The following NUP210 variants were observed in gnomAD, a reference collection of about 807,000 sequenced individuals.
NUP210 encodes nuclear pore membrane glycoprotein 210.
In NUP210, 151 loss-of-function variants were observed where a neutral mutation model predicts 196.0. That is an observed-to-expected ratio of 0.77 (90% CI 0.67 to 0.88). NUP210 has a LOEUF of 0.88. Among genes scored for constraint, NUP210 ranks in the 40% least tolerant of loss-of-function variants. NUP210 has a pLI of 0.00. For missense variants in NUP210, 2,314 were observed against 2,493.7 expected, an observed-to-expected ratio of 0.93 and a Z score of 1.53; for synonymous variants, 1,070 against 1,052.7, an observed-to-expected ratio of 1.02 and a Z score of -0.32.
chr3:13,403,684 G>C (rs908120293), intron 1 of NUP210, among the ~76,000 whole-genome samples: 1 of 152,218 alleles, frequency 6.6e-6, no homozygotes, highest in South Asian at 2.1e-4. Context: ...CTCTACTTGG[G>C]AGGCAGCGGG....
rs1697289028 is a variant in NUP210 at position 13,337,924 on chromosome 3, A to C, written c.3472-7T>G. The C allele has an allele frequency of 6.2e-7, 1 of 1,611,854 alleles. No individual in the cohort carries two copies. The highest frequency in any genetic ancestry group is 1.3e-5 in the African/African-American group (1 of 74,910). ...CCTCCACCTGCACGAGGTCCTGGGG[A>C]AACAGGGTGGCACTTAGGTGTGGGG... On this transcript the variant is annotated splice_region_variant and splice_polypyrimidine_tract_variant and intron_variant, in intron 25 of 39. Coordinates refer to ENST00000254508, the MANE Select transcript of NUP210 (RefSeq NM_024923.4).
At chr3:13,367,882 T>G (rs1055998956) in intron 13 of NUP210, among the ~76,000 whole-genome samples, 1 of 152,152 alleles carries the variant, frequency 6.6e-6, no homozygotes, top group Admixed American at 6.5e-5. Flanking sequence ...TCTGGGTGCC[T>G]TCCTCTTGGG....
In NUP210 at chr3:13,335,408, G is replaced by A. The variant is rs779456652; in HGVS notation, c.3843+46C>T. On this transcript the variant is annotated intron_variant, in intron 28 of 39. Coordinates refer to ENST00000254508, the MANE Select transcript of NUP210 (RefSeq NM_024923.4). ...GCCCCGAAGGAAGATTGGGCAGCTG[G>A]CACTTCCTCTCCCCCTTCCCTGTGG... The A allele has an allele frequency of 3.2e-6, 5 of 1,584,372 alleles. No homozygotes were observed. The Admixed American group carries it at 8.5e-5, about 27-fold the overall frequency.
intron 5 of NUP210, among the ~76,000 whole-genome samples, chr3:13,387,012 G>A (rs1699300665): frequency 2.0e-5 from 3 of 152,188 alleles, no homozygotes. Context: ...CATTGTCTTT[G>A]GCCTGTTTGA....
chr3:13,370,020 A>G (rs761025771), intron 13 of NUP210, among the ~76,000 whole-genome samples: 8 of 152,152 alleles, frequency 5.3e-5, no homozygotes, highest in Non-Finnish European at 1.0e-4. Flanking sequence ...CTAACATGGG[A>G]CCAAATTTGT....
Position 13,351,774 on chromosome 3 carries a change from G to A in NUP210, c.2835+105C>T, listed in dbSNP as rs769738074. 2.1e-5 allele frequency: 16 copies of A among 768,308 alleles called. No homozygotes were observed. The East Asian group carries it at 2.1e-4, about 10-fold the overall frequency. 47.6% of individuals were successfully genotyped at this position (768,308 alleles called of 1,614,324 possible). A position where few individuals can be genotyped will look rare whatever the true frequency, so the allele number is the denominator to read the frequency against. On this transcript the variant is annotated intron_variant, in intron 20 of 39. Coordinates refer to ENST00000254508, the MANE Select transcript of NUP210 (RefSeq NM_024923.4). The stretch of plus-strand genomic sequence containing the variant: ...TGACCTCCCAAAGTTCTGGGATTCC[G>A]AGTGTGAGTCAAGTGCTAGCTTTCA...
intron 14 of NUP210, among the ~76,000 whole-genome samples, chr3:13,361,568 C>T (rs953318740): frequency 6.6e-6 from 1 of 152,108 alleles, no homozygotes; most frequent in Non-Finnish European, 1.5e-5. Context: ...TGAGGGGTCC[C>T]GCAGTCCTGC....
rs762978343 is a variant in NUP210 at position 13,360,400 on chromosome 3, G to T, written c.2024C>A (p.Pro675Gln). 5 of 1,614,020 alleles carry T rather than the reference G, an allele frequency of 3.1e-6. No homozygotes were observed. In the South Asian group the frequency reaches 4.4e-5, roughly 14 times the overall value. The change falls in exon 15 of 40, where the codon CCG becomes CAG. Residue 675 changes from proline (P) to glutamine (Q), a missense_variant. Coordinates refer to ENST00000254508, the MANE Select transcript of NUP210 (RefSeq NM_024923.4). ...GGTGACGTTCTGGAAGAATTTGGAC[G>T]GCTCGAGGATCCAAGGTCTGGGACC... ...EGGPRPWILEPSKFFQNVTAE... is the reference protein window; with the variant it reads ...EGGPRPWILEQSKFFQNVTAE...
intron 18 of NUP210, among the ~76,000 whole-genome samples, chr3:13,352,527 G>A (rs1336633822): frequency 1.3e-5 from 2 of 152,236 alleles, no homozygotes; most frequent in African/African-American, 4.8e-5. Flanking sequence ...GCATGTGGCC[G>A]CTGGCCAGGC....
intron 14 of NUP210, among the ~76,000 whole-genome samples, chr3:13,364,635 C>A (rs545773550): frequency 3.4e-4 from 51 of 152,218 alleles, no homozygotes; most frequent in African/African-American, 1.2e-3. Flanking sequence ...TCGGGACCAG[C>A]CTCACTAACA....
At chr3:13,408,168 T>C (rs973872845) in intron 1 of NUP210, among the ~76,000 whole-genome samples, 1 of 152,214 alleles carries the variant, frequency 6.6e-6, no homozygotes, top group African/African-American at 2.4e-5. Flanking sequence ...AATATGGTCA[T>C]TACACTGATT....
intron 1 of NUP210, among the ~76,000 whole-genome samples, chr3:13,415,261 CT>C (rs1700308194): frequency 1.3e-5 from 2 of 152,210 alleles, no homozygotes; most frequent in Admixed American, 1.3e-4. Flanking sequence ...TTTGTCACCT[CT>C]TATTCAGTGA....
intron 1 of NUP210, among the ~76,000 whole-genome samples, chr3:13,409,846 T>C (rs532176557): frequency 3.3e-5 from 5 of 151,484 alleles, no homozygotes; most frequent in Admixed American, 1.3e-4. Context: ...ACTAATTTTT[T>C]TTTTTTTGGA....
At chr3:13,378,795 G>T in intron 8 of NUP210, 117 bp downstream of exon 8, 1 of 769,996 alleles carries the variant, frequency 1.3e-6, no homozygotes, top group Non-Finnish European at 2.3e-6. Flanking sequence ...CATAGCAAGT[G>T]GCAGAGCTGG....
chr3:13,382,092 T>C (rs1366363829), intron 6 of NUP210, among the ~76,000 whole-genome samples: 3 of 152,268 alleles, frequency 2.0e-5, no homozygotes, highest in African/African-American at 7.2e-5. Context: ...GTGCATGCTA[T>C]TGGTTTTGCA....
chr3:13,333,165 C>T (rs997857649), intron 28 of NUP210, among the ~76,000 whole-genome samples: 7 of 152,344 alleles, frequency 4.6e-5, no homozygotes, highest in Middle Eastern at 3.4e-3. Context: ...GATCCTGGGA[C>T]GCCCAAGTGC....
chr3:13,403,258 G>T lies in NUP210; in HGVS notation c.168-3397C>A, dbSNP rs1342836563. On this transcript the variant is annotated intron_variant, in intron 1 of 39. Transcript: ENST00000254508. The stretch of plus-strand genomic sequence containing the variant: ...CAACAACAGAAATGTATTGCTCACA[G>T]TTCTGGAGGCTGGCAGTCCAAGATC... Among the ~76,000 whole-genome samples the T allele has an allele frequency of 3.3e-5, 5 of 152,310 alleles. No individual in the cohort carries two copies. In the East Asian group the frequency reaches 9.6e-4, roughly 29 times the overall value.
Position 13,335,560 on chromosome 3 carries a change from C to T in NUP210, c.3737G>A (p.Arg1246Gln), listed in dbSNP as rs753984806. ...CCTCAGCCCGGTCCGGCCTTTTACC[C>T]GGCCGAGCACGTTCATGGCAAAGTT... ...QYNFAMNVLG[R>Q]VKGRTGLRVV... Residue 1246 changes from arginine to glutamine, a missense_variant, in exon 28 of 40, where the codon CGG becomes CAG. By Grantham distance (43) the Arg-to-Gln change is conservative (BLOSUM62 1). Coordinates refer to ENST00000254508, the MANE Select transcript of NUP210 (RefSeq NM_024923.4). 18 of 1,613,994 alleles carry T rather than the reference C, an allele frequency of 1.1e-5. No homozygotes were observed. The highest frequency in any genetic ancestry group is 5.3e-5 in the African/African-American group (4 of 74,936).
At chr3:13,394,197 T>C (rs1454337976) in intron 3 of NUP210, among the ~76,000 whole-genome samples, 2 of 151,786 alleles carry the variant, frequency 1.3e-5, no homozygotes, top group Non-Finnish European at 2.9e-5. Context: ...GAAAGCAGAG[T>C]TCAGGAGGGG....
Sources: gnomAD v4.1 joint callset for allele counts (sites outside exome capture counted in the v4.1 genomes callset) on GRCh38, gnomAD v4.1.1 for gene constraint, MANE v1.5 for transcripts, NCBI Gene and HGNC (gene_info 2026-07-23, HGNC 2026-07-21) for gene names.